PID1: variants seen among roughly 807,000 people sequenced by gnomAD.
The protein encoded by PID1 is PTB-containing, cubilin and LRP1-interacting protein.
A neutral mutation model predicts 19.1 loss-of-function variants in PID1; 10 were observed. That is an observed-to-expected ratio of 0.52 (90% CI 0.32 to 0.89). PID1 has a LOEUF of 0.89. PID1 is among the 40% of genes least tolerant of loss of function. PID1 has a pLI of 0.03. For synonymous variants in PID1, 130 were observed against 116.0 expected, an observed-to-expected ratio of 1.12 and a Z score of -0.78; for missense variants, 248 against 285.3, an observed-to-expected ratio of 0.87 and a Z score of 0.94.
At chr2:229,035,075 C>A (rs1471849292) in intron 2 of PID1, among the ~76,000 whole-genome samples, 1 of 152,178 alleles carries the variant, frequency 6.6e-6, no homozygotes, top group African/African-American at 2.4e-5. Context: ...ACAGTGATGG[C>A]TGATTTTATG....
At chr2:229,048,688 AATG>A (rs879828639) in intron 2 of PID1, among the ~76,000 whole-genome samples, 3 of 152,206 alleles carry the variant, frequency 2.0e-5, no homozygotes, top group Non-Finnish European at 4.4e-5. Context: ...TGTATGTTAC[AATG>A]ATAATATGTG....
At chr2:229,212,759 C>T (rs1354780239) in intron 1 of PID1, among the ~76,000 whole-genome samples, 1 of 152,100 alleles carries the variant, frequency 6.6e-6, no homozygotes. Flanking sequence ...CCCCATTTCA[C>T]ATGTGAGAAA....
intron 2 of PID1, among the ~76,000 whole-genome samples, chr2:229,032,393 G>T (rs952729347): frequency 1.3e-5 from 2 of 152,196 alleles, no homozygotes; most frequent in African/African-American, 4.8e-5. Flanking sequence ...CCAATGTCAG[G>T]TTTGGTTAAG....
At chr2:229,082,697 T>C (rs1341744449) in intron 2 of PID1, among the ~76,000 whole-genome samples, 1 of 152,150 alleles carries the variant, frequency 6.6e-6, no homozygotes, top group East Asian at 1.9e-4. Flanking sequence ...AGGATCTCAG[T>C]CCTACAACCA....
chr2:229,212,188 C>A (rs990808111), intron 1 of PID1, among the ~76,000 whole-genome samples: 8 of 152,148 alleles, frequency 5.3e-5, no homozygotes, highest in Non-Finnish European at 8.8e-5. Flanking sequence ...GAGGATTCTG[C>A]TTATTTTTTC....
Position 229,271,244 on chromosome 2 carries a change from A to C in PID1, c.-201T>G. ...GCTCAGCTGCCGGCAACTTGTGGGC[A>C]CGGCCGCGCGCCGGCTGTCCTGGCG... On this transcript the variant is annotated 5_prime_UTR_variant, in exon 1 of 3. Coordinates refer to ENST00000392055, the MANE Select transcript of PID1 (RefSeq NM_001100818.2). The C allele has an allele frequency of 2.1e-6, 1 of 472,906 alleles. No individual in the cohort carries two copies. The highest frequency in any genetic ancestry group is 3.1e-5 in the South Asian group (1 of 32,646). The allele number at this position is 472,906 out of a possible 1,614,324, so 29.3% of individuals were successfully genotyped here.
At chr2:229,135,117 G>A (rs1689833426) in intron 2 of PID1, among the ~76,000 whole-genome samples, 1 of 152,156 alleles carries the variant, frequency 6.6e-6, no homozygotes, top group Non-Finnish European at 1.5e-5. Flanking sequence ...GAATGATGGA[G>A]GGAAGAAGTG....
At chr2:229,099,989 G>A (rs1380570348) in intron 2 of PID1, among the ~76,000 whole-genome samples, 2 of 152,138 alleles carry the variant, frequency 1.3e-5, no homozygotes. Context: ...TATGAAGGTG[G>A]AACCCTCATG....
At chr2:229,051,753 G>A (rs1042146243) in intron 2 of PID1, among the ~76,000 whole-genome samples, 2 of 152,150 alleles carry the variant, frequency 1.3e-5, no homozygotes, top group African/African-American at 4.8e-5. Flanking sequence ...TCAGCATCAC[G>A]TCTGCCTCAT....
rs533193779 is a variant in PID1, at chr2:229,210,204, G to C, written c.31-54240C>G. 7.3e-5 allele frequency among the ~76,000 whole-genome samples: 11 copies of C among 151,668 alleles called. No homozygotes were observed. In the South Asian group the frequency reaches 2.3e-3, roughly 32 times the overall value. ...GGATCCATTCCAAACAGGAAGCAAG[G>C]AGGTGACACAAAAACCTAGAAGGCA... On this transcript the variant is annotated intron_variant, in intron 1 of 2. Coordinates refer to ENST00000392055, the MANE Select transcript of PID1 (RefSeq NM_001100818.2).
intron 2 of PID1, among the ~76,000 whole-genome samples, chr2:229,141,317 G>T (rs1198041662): frequency 6.6e-6 from 1 of 152,100 alleles, no homozygotes; most frequent in African/African-American, 2.4e-5. Flanking sequence ...GACCAGGATT[G>T]TTGGGGATGG....
At chr2:229,215,769 A>G (rs1454824802) in intron 1 of PID1, among the ~76,000 whole-genome samples, 1 of 152,266 alleles carries the variant, frequency 6.6e-6, no homozygotes, top group Non-Finnish European at 1.5e-5. Context: ...AAATCAGAAT[A>G]AAGTAAATAA....
chr2:229,243,491 G>A (rs114800185), intron 1 of PID1, among the ~76,000 whole-genome samples: 29 of 152,098 alleles, frequency 1.9e-4, no homozygotes, highest in African/African-American at 5.3e-4. Context: ...GGTCTATTGC[G>A]TCCTCAAGAC....
chr2:229,144,146 C>T (rs1412847820), intron 2 of PID1, among the ~76,000 whole-genome samples: 1 of 152,082 alleles, frequency 6.6e-6, no homozygotes, highest in Admixed American at 6.6e-5. Context: ...AATAAAGAAA[C>T]TTTCAGATAT....
At chr2:229,066,170 A>G (rs2765935) in intron 2 of PID1, among the ~76,000 whole-genome samples, 152,278 of 152,300 alleles carry the variant, frequency 1, 76,128 homozygotes, top group Middle Eastern at 1. Context: ...AATAGGAGCC[A>G]GCATACGGTA....
chr2:229,039,165 T>C (rs1459061872), intron 2 of PID1, among the ~76,000 whole-genome samples: 1 of 152,226 alleles, frequency 6.6e-6, no homozygotes, highest in East Asian at 1.9e-4. Context: ...TCTGTTTTGC[T>C]TGTGCTTTCT....
chr2:229,115,196 C>T (rs1170505279), intron 2 of PID1, among the ~76,000 whole-genome samples: 3 of 151,832 alleles, frequency 2.0e-5, no homozygotes, highest in African/African-American at 7.2e-5. Flanking sequence ...AGGTGTGTAA[C>T]ACCTAAATAA....
intron 1 of PID1, among the ~76,000 whole-genome samples, chr2:229,210,525 CAAAAAAAAAAAAAAAAA>C (rs1170895327): frequency 9.7e-4 from 15 of 15,534 alleles, no homozygotes; most frequent in South Asian, 0.014. Context: ...AGTTTTGTCT[CAAAAAAAAAAAAAAAAA>C]AAAAAAAAAA....
chr2:229,104,794 A>T (rs1695141386), intron 2 of PID1, among the ~76,000 whole-genome samples: 1 of 152,228 alleles, frequency 6.6e-6, no homozygotes. Context: ...TGCCTGACTT[A>T]TAAGGATGGA....
Sources: gnomAD v4.1 joint callset for allele counts (sites outside exome capture counted in the v4.1 genomes callset) on GRCh38, gnomAD v4.1.1 for gene constraint, MANE v1.5 for transcripts, NCBI Gene and HGNC (gene_info 2026-07-23, HGNC 2026-07-21) for gene names.